Variants in PCDHGB5 observed in about 807,000 individuals in gnomAD.
The protein encoded by PCDHGB5 is protocadherin gamma-B5.
In PCDHGB5, 48 loss-of-function variants were observed where a neutral mutation model predicts 62.9. The observed-to-expected ratio is 0.76, with a 90% CI of 0.61 to 0.97. The LOEUF (loss-of-function observed/expected upper bound fraction) is 0.97, where lower values mean the gene tolerates loss of function less well. Among genes scored for constraint, PCDHGB5 ranks in the 50% least tolerant of loss-of-function variants. The pLI is 0.00. For missense variants in PCDHGB5, 1,118 were observed against 1,198.6 expected (o/e 0.93, Z 0.99); for synonymous variants, 474 against 511.2 (o/e 0.93, Z 0.98).
intron 1 of PCDHGB5, among the ~76,000 whole-genome samples, chr5:141,445,582 T>C (rs886701142): frequency 6.6e-6 from 1 of 152,214 alleles, no homozygotes; most frequent in Non-Finnish European, 1.5e-5. Context: ...TAGGGAAGCT[T>C]CGCCTAATCT....
At chr5:141,465,747 A>G (rs2099108470) in intron 1 of PCDHGB5, among the ~76,000 whole-genome samples, 2 of 151,126 alleles carry the variant, frequency 1.3e-5, no homozygotes, top group African/African-American at 4.9e-5. Flanking sequence ...TCAGGATCAG[A>G]CTGGTAAAGT....
At chr5:141,444,670 C>G (rs1174911888) in intron 1 of PCDHGB5, among the ~76,000 whole-genome samples, 1 of 152,052 alleles carries the variant, frequency 6.6e-6, no homozygotes, top group African/African-American at 2.4e-5. Context: ...CCATTTTTTT[C>G]AATACCATTT....
In PCDHGB5 at chr5:141,431,628, A is replaced by C. The variant is rs1204083567; in HGVS notation, c.2397+31104A>C. Reference sequence around the variant, plus strand: ...CGGTATGTGGACGACAAGGCGGCCCAAGTTTTCAAACTAGATTGTAATTCA... The same window carrying C: ...CGGTATGTGGACGACAAGGCGGCCCCAGTTTTCAAACTAGATTGTAATTCA... On this transcript the variant is annotated intron_variant, in intron 1 of 3. Coordinates refer to ENST00000617380, the MANE Select transcript of PCDHGB5 (RefSeq NM_018925.3). The surrounding 1 kb of genome is among the most constrained non-coding windows in gnomAD (Gnocchi z 4.8). 1 of 1,614,256 alleles carries C rather than the reference A, an allele frequency of 6.2e-7. No individual in the cohort carries two copies. The highest frequency in any genetic ancestry group is 8.5e-7 in the Non-Finnish European group (1 of 1,180,050).
At position 141,476,789 on chromosome 5, in the gene PCDHGB5, T is replaced by C; in HGVS notation, c.2398-18018T>C. ...GTTGGACGGAGGGACCCCAGCTCTC[T>C]CCGCCAGCCTGCCTATTCACATCAA... On this transcript the variant is annotated intron_variant, in intron 1 of 3. Transcript: ENST00000617380. The surrounding 1 kb of genome is among the most constrained non-coding windows in gnomAD (Gnocchi z 7.6). 1.2e-6 allele frequency: 2 copies of C among 1,613,374 alleles called. No individual in the cohort carries two copies. The highest frequency in any genetic ancestry group is 4.5e-5 in the East Asian group (2 of 44,864).
intron 1 of PCDHGB5, among the ~76,000 whole-genome samples, chr5:141,460,003 A>AG (rs1177398494): frequency 6.6e-6 from 1 of 152,186 alleles, no homozygotes; most frequent in African/African-American, 2.4e-5. Context: ...GCTTGAACCC[A>AG]GGAGGCGGAG....
intron 1 of PCDHGB5, among the ~76,000 whole-genome samples, chr5:141,460,914 A>G (rs62379191): frequency 4.9e-5 from 6 of 122,236 alleles, no homozygotes; most frequent in Non-Finnish European, 5.2e-5. Context: ...TCCATGGTGT[A>G]TATATATATA....
rs761264372 is a variant in PCDHGB5 at position 141,489,500 on chromosome 5, A to G, written c.2398-5307A>G. 12 of 1,614,112 alleles carry G rather than the reference A, an allele frequency of 7.4e-6. No individual in the cohort carries two copies. In the South Asian group the frequency reaches 1.3e-4, roughly 18 times the overall value. On this transcript the variant is annotated intron_variant, in intron 1 of 3. Coordinates refer to ENST00000617380, the MANE Select transcript of PCDHGB5 (RefSeq NM_018925.3). This position sits in a 1 kb window ranked among gnomAD's most constrained non-coding sequence, Gnocchi z 4.5. ...TTGATGAGTGGTGCCCTGGCAGTGA[A>G]TCAAAAGATTGACCGAGAAAGCCTA...
chr5:141,434,724 C>T (rs2097712360), intron 1 of PCDHGB5, among the ~76,000 whole-genome samples: 2 of 151,800 alleles, frequency 1.3e-5, no homozygotes, highest in Admixed American at 1.3e-4. Flanking sequence ...GTTCAGGGCT[C>T]TCAGCTCTGA....
intron 1 of PCDHGB5, among the ~76,000 whole-genome samples, chr5:141,435,696 A>G (rs932132128): frequency 1.3e-5 from 2 of 152,204 alleles, no homozygotes; most frequent in East Asian, 1.9e-4. Context: ...TGCTTATTGT[A>G]GAGTGGTTAC....
chr5:141,460,092 T>C (rs186695697), intron 1 of PCDHGB5, among the ~76,000 whole-genome samples: 37 of 152,056 alleles, frequency 2.4e-4, no homozygotes, highest in Admixed American at 9.8e-4. Context: ...ATAATAATTA[T>C]ACATGTAATT....
rs142329128 is a variant in PCDHGB5, at chr5:141,439,495, C to T, written c.2397+38971C>T. Among the ~76,000 whole-genome samples the T allele has an allele frequency of 9.7e-4, 147 of 152,324 alleles. 1 individual carries two copies. The highest frequency in any genetic ancestry group is 3.4e-3 in the African/African-American group (140 of 41,568). ...TCAGCTTGCAAATTCCAGTGAGAAACGTCTTTCTCTCTGCTCTCAACTAAC... is the reference window on the plus strand; with the variant it reads ...TCAGCTTGCAAATTCCAGTGAGAAATGTCTTTCTCTCTGCTCTCAACTAAC... On this transcript the variant is annotated intron_variant, in intron 1 of 3. Coordinates refer to ENST00000617380, the MANE Select transcript of PCDHGB5 (RefSeq NM_018925.3).
intron 1 of PCDHGB5, chr5:141,478,160 GC>G (rs764598056): frequency 1.9e-6 from 3 of 1,613,964 alleles, no homozygotes; most frequent in Non-Finnish European, 2.5e-6. Flanking sequence ...CTCTGGCTCT[GC>G]CCCCCGGGAG....
intron 1 of PCDHGB5, among the ~76,000 whole-genome samples, chr5:141,438,621 TATATATATATATATAC>T (rs1472935962): frequency 0.016 from 652 of 41,356 alleles, 15 homozygotes; most frequent in East Asian, 0.15. Flanking sequence ...TATATATATA[TATATATATATATATAC>T]ACACACACAC....
intron 1 of PCDHGB5, chr5:141,430,898 G>A: frequency 6.2e-7 from 1 of 1,605,834 alleles, no homozygotes; most frequent in East Asian, 2.2e-5. Flanking sequence ...TAGGGTGGGC[G>A]ACATCTCCAG....
At chr5:141,403,662 A>T in intron 1 of PCDHGB5, 1 of 1,613,902 alleles carries the variant, frequency 6.2e-7, no homozygotes, top group Non-Finnish European at 8.5e-7. Context: ...GATACAAATG[A>T]TAATGCCCCG....
At chr5:141,460,882 C>G (rs2098999926) in intron 1 of PCDHGB5, among the ~76,000 whole-genome samples, 1 of 149,600 alleles carries the variant, frequency 6.7e-6, no homozygotes, top group Non-Finnish European at 1.5e-5. Context: ...TTATTTCATG[C>G]CTTTTCGTGG....
intron 1 of PCDHGB5, chr5:141,402,840 T>C: frequency 7.2e-7 from 1 of 1,388,218 alleles, no homozygotes; most frequent in Non-Finnish European, 9.5e-7. Flanking sequence ...GCAGCAAAAC[T>C]CAGCCTCTTT....
At chr5:141,421,017 T>TGC (rs1489188484) in intron 1 of PCDHGB5, 1 of 518,776 alleles carries the variant, frequency 1.9e-6, no homozygotes, top group African/African-American at 2.0e-5. Flanking sequence ...AATGGGAAGC[T>TGC]GCGCGCCATT....
In PCDHGB5 at chr5:141,485,985, T is replaced by C. The variant is rs748867624; in HGVS notation, c.2398-8822T>C. 5.6e-6 allele frequency: 9 copies of C among 1,614,086 alleles called. No homozygotes were observed. Among genetic ancestry groups the C allele is most frequent in the South Asian group, 5.5e-5 (5 of 91,094 alleles). On this transcript the variant is annotated intron_variant, in intron 1 of 3. Coordinates refer to ENST00000617380, the MANE Select transcript of PCDHGB5 (RefSeq NM_018925.3). The surrounding 1 kb of genome is among the most constrained non-coding windows in gnomAD (Gnocchi z 5.7). ...CAGCTCAATGCCTCAGACCCGGACC[T>C]GGGTCCCAGTGGTAACGTCACCTTT...
Sources: gnomAD v4.1 joint callset for allele counts (sites outside exome capture counted in the v4.1 genomes callset) on GRCh38, gnomAD v4.1.1 for gene constraint, Gnocchi (gnomAD v3.1) non-coding constraint, MANE v1.5 for transcripts, NCBI Gene and HGNC (gene_info 2026-07-23, HGNC 2026-07-21) for gene names.